Variants in NRCAM observed in about 807,000 individuals in gnomAD.
The protein encoded by NRCAM is neuronal cell adhesion molecule, also known as NgCAM-related cell adhesion molecule.
In NRCAM, 83 loss-of-function variants were observed where a neutral mutation model predicts 156.5. The observed-to-expected ratio is 0.53, with a 90% CI of 0.44 to 0.64. NRCAM has a LOEUF of 0.64. Ranked by LOEUF, NRCAM falls within the 30% of genes least tolerant of loss-of-function variation. The pLI, the probability that NRCAM is intolerant of heterozygous loss-of-function variation, is 0.00. For missense variants in NRCAM, 1,417 were observed against 1,597.3 expected (o/e 0.89, Z 1.92); for synonymous variants, 538 against 563.9 (o/e 0.95, Z 0.65).
chr7:108,206,296 G>A (rs78256948), intron 13 of NRCAM, among the ~76,000 whole-genome samples: 179 of 152,330 alleles, frequency 1.2e-3, no homozygotes, highest in African/African-American at 4.1e-3. Context: ...CTTAGGGGAA[G>A]TGTGTGTGTT....
chr7:108,264,106 T>C (rs553277530), intron 3 of NRCAM, among the ~76,000 whole-genome samples: 2 of 152,180 alleles, frequency 1.3e-5, no homozygotes, highest in Non-Finnish European at 2.9e-5. Flanking sequence ...GCTGCGCAAG[T>C]AGCTGGTATT....
At chr7:108,320,636 T>A (rs188506613) in intron 2 of NRCAM, among the ~76,000 whole-genome samples, 2 of 152,186 alleles carry the variant, frequency 1.3e-5, no homozygotes, top group East Asian at 3.9e-4. Context: ...TCATAAAATA[T>A]GATTATTTAG....
chr7:108,277,380 T>G (rs2097676954), intron 3 of NRCAM, among the ~76,000 whole-genome samples: 1 of 152,188 alleles, frequency 6.6e-6, no homozygotes, highest in Non-Finnish European at 1.5e-5. Context: ...ACCAATCAAA[T>G]GTAGATTTGG....
In NRCAM at chr7:108,418,560, T is replaced by TATACAC. The variant is rs1250839690; in HGVS notation, c.-331-18968_-331-18967insGTGTAT. On this transcript the variant is annotated intron_variant, in intron 1 of 32. Transcript: ENST00000379028. ...GGTCTTTTATCTGGTATACATATTA[T>TATACAC]ACACACACACACACACACACACACA... is the stretch of plus-strand genomic sequence containing the variant. Among the ~76,000 whole-genome samples, 284 of 143,728 alleles carry TATACAC rather than the reference T, an allele frequency of 2.0e-3. 3 individuals carry two copies. The highest frequency in any genetic ancestry group is 7.0e-3 in the African/African-American group (271 of 38,726). 94.3% of individuals were successfully genotyped at this position (143,728 alleles called of 152,430 possible). A position where few individuals can be genotyped will look rare whatever the true frequency, so the allele number is the denominator to read the frequency against.
chr7:108,301,534 C>T (rs2098611876), intron 3 of NRCAM, among the ~76,000 whole-genome samples: 1 of 152,204 alleles, frequency 6.6e-6, no homozygotes, highest in South Asian at 2.1e-4. Flanking sequence ...ACACCAACTG[C>T]ATGACCTCTG....
At chr7:108,293,205 C>A (rs1273876753) in intron 3 of NRCAM, among the ~76,000 whole-genome samples, 9 of 152,158 alleles carry the variant, frequency 5.9e-5, no homozygotes, top group African/African-American at 2.2e-4. Context: ...TGTATCCTAG[C>A]TCATAGGCCT....
At chr7:108,321,092 T>C (rs1201357037) in intron 2 of NRCAM, among the ~76,000 whole-genome samples, 1 of 152,232 alleles carries the variant, frequency 6.6e-6, no homozygotes, top group Non-Finnish European at 1.5e-5. Flanking sequence ...TTGGCTCATA[T>C]AACTTGCATA....
At chr7:108,433,471 C>T (rs554458277) in intron 1 of NRCAM, among the ~76,000 whole-genome samples, 1 of 152,170 alleles carries the variant, frequency 6.6e-6, no homozygotes, top group Non-Finnish European at 1.5e-5. Flanking sequence ...ATGAACCTCA[C>T]GTTGAAATTT....
intron 2 of NRCAM, among the ~76,000 whole-genome samples, chr7:108,343,445 G>A (rs61386496): frequency 0.033 from 4,970 of 152,122 alleles, 285 homozygotes; most frequent in African/African-American, 0.11. Context: ...GGAAAGGAAA[G>A]GGAAATAGAA....
intron 3 of NRCAM, among the ~76,000 whole-genome samples, chr7:108,286,181 T>G (rs1251955927): frequency 6.6e-6 from 1 of 152,140 alleles, no homozygotes; most frequent in African/African-American, 2.4e-5. Flanking sequence ...ATATTATTCC[T>G]TTTTTCTTTT....
chr7:108,151,292 G>A (rs2041446041), intron 32 of NRCAM, among the ~76,000 whole-genome samples: 1 of 152,056 alleles, frequency 6.6e-6, no homozygotes, highest in South Asian at 2.1e-4. Flanking sequence ...AGGCAAAATA[G>A]GAAACATATA....
Position 108,167,158 on chromosome 7 carries a change from A to G in NRCAM, c.3314-85T>C. 3 of 1,012,976 alleles carry G rather than the reference A, an allele frequency of 3.0e-6. No homozygotes were observed. The South Asian group carries it at 4.8e-5, about 16-fold the overall frequency. The allele number at this position is 1,012,976 out of a possible 1,614,324, so 62.7% of individuals were successfully genotyped here. On this transcript the variant is annotated intron_variant, in intron 29 of 32. Transcript: ENST00000379028. ...ATGCTTCAAGAAAGGAAAATTCTTT[A>G]TAAGCTAAAGACAAGATGTAGGATG...
intron 11 of NRCAM, among the ~76,000 whole-genome samples, chr7:108,212,729 C>T (rs1462740970): frequency 1.3e-5 from 2 of 152,018 alleles, no homozygotes; most frequent in Non-Finnish European, 2.9e-5. Context: ...ATGAACAAAG[C>T]CTCCAAGAAG....
At position 108,196,289 on chromosome 7, in the gene NRCAM, G is replaced by T. The variant is rs956691355; in HGVS notation, c.1352-417C>A. On this transcript the variant is annotated intron_variant, in intron 14 of 32. Transcript: ENST00000379028. ...AAAAAAGCAGAGTGATGAGTGTGATGGCTGAATAAATGGAACCACAGCAAC... is the reference window on the plus strand; with the variant it reads ...AAAAAAGCAGAGTGATGAGTGTGATTGCTGAATAAATGGAACCACAGCAAC... Among the ~76,000 whole-genome samples, 9 of 152,256 alleles carry T rather than the reference G, an allele frequency of 5.9e-5. No homozygotes were observed. The East Asian group carries it at 1.7e-3, about 29-fold the overall frequency.
At chr7:108,309,667 G>A (rs2098772936) in intron 3 of NRCAM, among the ~76,000 whole-genome samples, 1 of 152,120 alleles carries the variant, frequency 6.6e-6, no homozygotes, top group Non-Finnish European at 1.5e-5. Context: ...GACCAGCCTG[G>A]CCAACATGGT....
intron 2 of NRCAM, among the ~76,000 whole-genome samples, chr7:108,395,271 T>C (rs1041618796): frequency 1.3e-5 from 2 of 152,178 alleles, no homozygotes; most frequent in African/African-American, 4.8e-5. Context: ...ATAATAAACC[T>C]GAATCAAGAA....
intron 1 of NRCAM, among the ~76,000 whole-genome samples, chr7:108,414,775 C>T (rs77717640): frequency 2.6e-5 from 4 of 152,126 alleles, no homozygotes; most frequent in Admixed American, 1.3e-4. Flanking sequence ...CTTAAAAAAA[C>T]GCTGGGAAGA....
chr7:108,152,621 T>C (rs139169214), intron 32 of NRCAM, among the ~76,000 whole-genome samples: 1 of 152,276 alleles, frequency 6.6e-6, no homozygotes, highest in South Asian at 2.1e-4. Context: ...TAGCCTACCT[T>C]AGAGGGCTGG....
chr7:108,202,563 T>C (rs945559240), intron 13 of NRCAM, among the ~76,000 whole-genome samples: 1 of 152,184 alleles, frequency 6.6e-6, no homozygotes, highest in South Asian at 2.1e-4. Context: ...GTAGAACACA[T>C]TTCTGGGAGA....
Sources: allele counts gnomAD v4.1 joint callset (sites outside exome capture counted in the v4.1 genomes callset), GRCh38; gene constraint gnomAD v4.1.1; transcripts MANE v1.5; gene names NCBI Gene and HGNC (gene_info 2026-07-23, HGNC 2026-07-21).